The following PLXDC2 variants were observed in gnomAD, a reference collection of about 807,000 sequenced individuals.
The protein encoded by PLXDC2 is plexin domain-containing protein 2.
In PLXDC2, 40 loss-of-function variants were observed where a neutral mutation model predicts 68.9. That is an observed-to-expected ratio of 0.58 (90% CI 0.45 to 0.76). The LOEUF (loss-of-function observed/expected upper bound fraction) is 0.76. Among genes scored for constraint, PLXDC2 ranks in the 30% least tolerant of loss-of-function variants. The pLI is 0.00. For synonymous variants in PLXDC2, 243 were observed against 234.2 expected (o/e 1.04, Z -0.34); for missense variants, 644 against 661.9 (o/e 0.97, Z 0.30).
chr10:20,143,484 T>G, intron 5 of PLXDC2, 67 bp downstream of exon 5: 1 of 1,588,928 alleles, frequency 6.3e-7, no homozygotes, highest in East Asian at 2.3e-5. Context: ...AGATTCATGT[T>G]AATGTTTTTG....
chr10:20,220,838 C>CTTT lies in PLXDC2; in HGVS notation c.1312+1754_1312+1756dup, dbSNP rs4026632. On this transcript the variant is annotated intron_variant, in intron 12 of 13. Transcript: ENST00000377252. ...ATGTCTCCACTCCTTGCTCTTAACACTTTTTTTTTTTTTTTTTTTTGAGAC... is the reference window on the plus strand; with the variant it reads ...ATGTCTCCACTCCTTGCTCTTAACACTTTTTTTTTTTTTTTTTTTTTTTGAGAC... Among the ~76,000 whole-genome samples, 354 of 116,450 alleles carry CTTT rather than the reference C, an allele frequency of 3.0e-3. 7 individuals carry two copies. Among genetic ancestry groups the CTTT allele is most frequent in the Middle Eastern group, 5.1e-3 (1 of 198 alleles). The allele number at this position is 116,450 out of a possible 152,430, so 76.4% of individuals were successfully genotyped here.
At chr10:19,952,948 T>C (rs1834013962) in intron 1 of PLXDC2, among the ~76,000 whole-genome samples, 1 of 152,162 alleles carries the variant, frequency 6.6e-6, no homozygotes, top group African/African-American at 2.4e-5. Flanking sequence ...CACTGCAACT[T>C]CCACATCCTG....
chr10:20,192,791 CTAAGT>C (rs1166577613), intron 9 of PLXDC2, among the ~76,000 whole-genome samples: 1 of 151,914 alleles, frequency 6.6e-6, no homozygotes, highest in Non-Finnish European at 1.5e-5. Context: ...AAACATACAC[CTAAGT>C]TATCTAAAAT....
intron 4 of PLXDC2, among the ~76,000 whole-genome samples, chr10:20,073,946 G>C (rs1836386924): frequency 6.6e-6 from 1 of 152,050 alleles, no homozygotes; most frequent in African/African-American, 2.4e-5. Flanking sequence ...GTCCGTCATG[G>C]GTACCATTAC....
chr10:20,131,270 A>G (rs1353850238), intron 4 of PLXDC2, among the ~76,000 whole-genome samples: 1 of 151,584 alleles, frequency 6.6e-6, no homozygotes, highest in African/African-American at 2.4e-5. Flanking sequence ...CGACGTGGTA[A>G]TATGTATGTT....
chr10:20,176,359 C>T (rs918681787), intron 7 of PLXDC2, among the ~76,000 whole-genome samples: 1 of 150,508 alleles, frequency 6.6e-6, no homozygotes. Context: ...CACAATCAAG[C>T]TAATTAACAC....
chr10:19,988,504 A>G (rs563101230), intron 1 of PLXDC2, among the ~76,000 whole-genome samples: 10 of 152,288 alleles, frequency 6.6e-5, no homozygotes, highest in African/African-American at 2.4e-4. Flanking sequence ...TCAAAAATAT[A>G]TATTTACTTA....
At chr10:20,007,185 G>A (rs1029157609) in intron 2 of PLXDC2, among the ~76,000 whole-genome samples, 1 of 152,198 alleles carries the variant, frequency 6.6e-6, no homozygotes, top group Admixed American at 6.5e-5. Flanking sequence ...AGCAGGGCAA[G>A]CATCTTCCCC....
At chr10:19,837,411 T>A (rs1952137) in intron 1 of PLXDC2, among the ~76,000 whole-genome samples, 424 of 45,952 alleles carry the variant, frequency 9.2e-3, no homozygotes, top group African/African-American at 0.035. Flanking sequence ...AGAGAGAGAG[T>A]GTGTGTGTGT....
At chr10:19,920,690 T>G (rs184683370) in intron 1 of PLXDC2, among the ~76,000 whole-genome samples, 1 of 152,258 alleles carries the variant, frequency 6.6e-6, no homozygotes, top group Non-Finnish European at 1.5e-5. Flanking sequence ...CCAAAGTAGC[T>G]GAGACCACAG....
chr10:19,976,923 G>T, intron 1 of PLXDC2, among the ~76,000 whole-genome samples: 3 of 135,902 alleles, frequency 2.2e-5, no homozygotes, highest in Admixed American at 7.6e-5. Flanking sequence ...TCCTAATATT[G>T]AAATTTCAAT....
At chr10:20,226,332 G>A (rs866077344) in intron 12 of PLXDC2, among the ~76,000 whole-genome samples, 1 of 152,336 alleles carries the variant, frequency 6.6e-6, no homozygotes, top group South Asian at 2.1e-4. Context: ...GTTGGTGTTA[G>A]TGTATTTTAT....
At chr10:19,979,488 C>T (rs1450968259) in intron 1 of PLXDC2, among the ~76,000 whole-genome samples, 1 of 151,632 alleles carries the variant, frequency 6.6e-6, no homozygotes, top group Non-Finnish European at 1.5e-5. Context: ...AAGTGGTTCT[C>T]CTGCCTCACC....
chr10:19,976,230 T>A (rs923543471), intron 1 of PLXDC2, among the ~76,000 whole-genome samples: 24 of 152,266 alleles, frequency 1.6e-4, no homozygotes, highest in Admixed American at 5.2e-4. Flanking sequence ...TTTTGTTTTT[T>A]TGAGACAGAG....
rs1032470385 is a variant in PLXDC2, at chr10:20,203,799, C to T, written c.1062-7870C>T. On this transcript the variant is annotated intron_variant, in intron 9 of 13. Coordinates refer to ENST00000377252, the MANE Select transcript of PLXDC2 (RefSeq NM_032812.9). ...TGCCACGTGTACGGATGACTACATT[C>T]TGGTGATTAGGTAAAGTGATCCCAG... 3.9e-5 allele frequency among the ~76,000 whole-genome samples: 6 copies of T among 152,304 alleles called. No homozygotes were observed. In the South Asian group the frequency reaches 6.2e-4, roughly 16 times the overall value.
chr10:20,103,668 G>C (rs1833452662), intron 4 of PLXDC2, among the ~76,000 whole-genome samples: 1 of 149,748 alleles, frequency 6.7e-6, no homozygotes, highest in Non-Finnish European at 1.5e-5. Context: ...TTTTGAGACG[G>C]AGTATCGTTG....
At chr10:19,955,851 G>A (rs1447141035) in intron 1 of PLXDC2, among the ~76,000 whole-genome samples, 7 of 152,092 alleles carry the variant, frequency 4.6e-5, no homozygotes, top group African/African-American at 1.7e-4. Context: ...AGGCTGAGGT[G>A]GGTGGATCAC....
At chr10:20,040,378 C>T (rs1241556518) in intron 2 of PLXDC2, among the ~76,000 whole-genome samples, 1 of 152,122 alleles carries the variant, frequency 6.6e-6, no homozygotes, top group South Asian at 2.1e-4. Flanking sequence ...GCCCAAAACT[C>T]CACCCTTGGA....
chr10:19,926,467 A>G (rs981172901), intron 1 of PLXDC2, among the ~76,000 whole-genome samples: 18 of 152,228 alleles, frequency 1.2e-4, no homozygotes, highest in African/African-American at 4.3e-4. Context: ...AGGCGTCAGC[A>G]GGCGGAAATT....
Sources: gnomAD v4.1 joint callset for allele counts (sites outside exome capture counted in the v4.1 genomes callset) on GRCh38, gnomAD v4.1.1 for gene constraint, MANE v1.5 for transcripts, NCBI Gene and HGNC (gene_info 2026-07-23, HGNC 2026-07-21) for gene names.